The following CADM1 variants were observed in gnomAD, a reference collection of about 807,000 sequenced individuals.
CADM1 encodes TSLC-1.
In CADM1, 15 loss-of-function variants were observed where a neutral mutation model predicts 53.1. The observed-to-expected ratio is 0.28, with a 90% CI of 0.19 to 0.44. CADM1 has a LOEUF of 0.44. Among genes scored for constraint, CADM1 ranks in the 20% least tolerant of loss-of-function variants. The pLI is 1.00. For missense variants in CADM1, 434 were observed against 611.3 expected (o/e 0.71, Z 3.06); for synonymous variants, 281 against 243.0 (o/e 1.16, Z -1.45).
At chr11:115,324,715 G>A (rs187073449) in intron 1 of CADM1, among the ~76,000 whole-genome samples, 21 of 152,308 alleles carry the variant, frequency 1.4e-4, no homozygotes, top group Admixed American at 1.1e-3. Context: ...ACCAATGGAA[G>A]AAACCAGGTG....
At chr11:115,240,010 T>G (rs775624491) in intron 2 of CADM1, among the ~76,000 whole-genome samples, 5 of 152,184 alleles carry the variant, frequency 3.3e-5, no homozygotes, top group Non-Finnish European at 7.3e-5. Context: ...CAGCTAAGTA[T>G]TTGGGACTCG....
intron 7 of CADM1, among the ~76,000 whole-genome samples, chr11:115,213,064 C>G (rs1941029376): frequency 6.6e-6 from 1 of 152,214 alleles, no homozygotes; most frequent in Non-Finnish European, 1.5e-5. Flanking sequence ...ATGCACATAA[C>G]AGACTAATGG....
intron 10 of CADM1, among the ~76,000 whole-genome samples, chr11:115,183,756 A>G (rs1939419169): frequency 6.6e-6 from 1 of 152,120 alleles, no homozygotes. Flanking sequence ...CATGGCGCTT[A>G]AACGCACACT....
chr11:115,339,607 T>G (rs1945369273), intron 1 of CADM1, among the ~76,000 whole-genome samples: 1 of 152,176 alleles, frequency 6.6e-6, no homozygotes, highest in African/African-American at 2.4e-5. Flanking sequence ...CTAATTTTAC[T>G]TATGCAGAGT....
intron 1 of CADM1, among the ~76,000 whole-genome samples, chr11:115,289,505 T>C (rs764554286): frequency 6.6e-6 from 1 of 152,158 alleles, no homozygotes; most frequent in Non-Finnish European, 1.5e-5. Flanking sequence ...GTTCTGTATC[T>C]GCACTGTCCA....
intron 1 of CADM1, among the ~76,000 whole-genome samples, chr11:115,318,043 T>C (rs1375411032): frequency 6.6e-6 from 1 of 151,696 alleles, no homozygotes; most frequent in Admixed American, 6.6e-5. Flanking sequence ...CCTTCCCTAC[T>C]TATTTTTTTT....
rs142308652 is a variant in CADM1 at position 115,498,502 on chromosome 11, T to C, written c.124+5769A>G. On this transcript the variant is annotated intron_variant, in intron 1 of 11. Transcript: ENST00000331581. ...ATGGCCAGTCTCGCCAACGGTGCTT[T>C]CCAGCGCACGCCACAGTTGAGGGAC... Among the ~76,000 whole-genome samples the C allele has an allele frequency of 4.9e-3, 751 of 152,324 alleles. 12 individuals are homozygous for C. The highest frequency in any genetic ancestry group is 0.011 in the South Asian group (55 of 4,826).
chr11:115,257,799 T>C (rs968730812), intron 1 of CADM1, among the ~76,000 whole-genome samples: 1 of 152,212 alleles, frequency 6.6e-6, no homozygotes, highest in African/African-American at 2.4e-5. Flanking sequence ...TTGTTGGTTG[T>C]TTTGCATACA....
intron 1 of CADM1, among the ~76,000 whole-genome samples, chr11:115,348,638 A>G (rs1591733337): frequency 6.6e-6 from 1 of 152,158 alleles, no homozygotes; most frequent in East Asian, 1.9e-4. Context: ...TATCAAACGC[A>G]GCTCTTGTCT....
intron 1 of CADM1, among the ~76,000 whole-genome samples, chr11:115,309,179 G>T (rs1344332110): frequency 6.6e-6 from 1 of 152,026 alleles, no homozygotes; most frequent in Non-Finnish European, 1.5e-5. Flanking sequence ...TAAATGAAAA[G>T]TTCTGTTTAT....
At chr11:115,415,599 G>T (rs1414193107) in intron 1 of CADM1, among the ~76,000 whole-genome samples, 2 of 151,954 alleles carry the variant, frequency 1.3e-5, no homozygotes, top group African/African-American at 4.8e-5. Flanking sequence ...CACTTTGGGA[G>T]GCCAAGGCAC....
intron 1 of CADM1, among the ~76,000 whole-genome samples, chr11:115,310,096 G>GA (rs1481948048): frequency 6.6e-6 from 1 of 151,912 alleles, no homozygotes; most frequent in Non-Finnish European, 1.5e-5. Flanking sequence ...CCTTCGATGG[G>GA]AAAAAAATAA....
intron 1 of CADM1, among the ~76,000 whole-genome samples, chr11:115,425,942 C>T (rs966704667): frequency 3.1e-4 from 47 of 152,256 alleles, no homozygotes; most frequent in East Asian, 1.9e-4. Flanking sequence ...TTTAACTAGG[C>T]GCATCTAGGC....
At chr11:115,439,923 C>G (rs781607637) in intron 1 of CADM1, among the ~76,000 whole-genome samples, 2 of 152,064 alleles carry the variant, frequency 1.3e-5, no homozygotes, top group Non-Finnish European at 2.9e-5. Flanking sequence ...TAATAAATTT[C>G]TTTTTAAAAT....
In CADM1 at chr11:115,448,138, T is replaced by C. The variant is rs571195269; in HGVS notation, c.124+56133A>G. 4.6e-5 allele frequency among the ~76,000 whole-genome samples: 7 copies of C among 152,260 alleles called. No homozygotes were observed. In the South Asian group the frequency reaches 1.5e-3, roughly 32 times the overall value. On this transcript the variant is annotated intron_variant, in intron 1 of 11. Coordinates refer to ENST00000331581, the MANE Select transcript of CADM1 (RefSeq NM_001301043.2). ...CCAGTGCCTGGCATACAGTATTCCA[T>C]AAACAGCACATATCATAAGAATAAC...
At chr11:115,455,977 A>G (rs1328099474) in intron 1 of CADM1, among the ~76,000 whole-genome samples, 2 of 152,190 alleles carry the variant, frequency 1.3e-5, no homozygotes, top group East Asian at 1.9e-4. Context: ...CAACTGGCAT[A>G]GTGGCACAGT....
At chr11:115,360,237 C>T (rs971581126) in intron 1 of CADM1, among the ~76,000 whole-genome samples, 6 of 152,196 alleles carry the variant, frequency 3.9e-5, no homozygotes, top group African/African-American at 1.4e-4. Flanking sequence ...TACAACTGAG[C>T]CATCTAAAAA....
At chr11:115,430,672 G>A (rs1341650283) in intron 1 of CADM1, among the ~76,000 whole-genome samples, 1 of 152,176 alleles carries the variant, frequency 6.6e-6, no homozygotes, top group African/African-American at 2.4e-5. Flanking sequence ...AATATTTCAT[G>A]TTTTGCCTTT....
At position 115,173,826 on chromosome 11, in the gene CADM1, C is replaced by T. The variant is rs186469240; in HGVS notation, c.*2648G>A. The stretch of plus-strand genomic sequence containing the variant: ...AACTGGCCTAAAGGGAAAAATAAGA[C>T]GTCGGTGTGACTAAAGAACAAGCTT... On this transcript the variant is annotated 3_prime_UTR_variant, in exon 12 of 12. Coordinates refer to ENST00000331581, the MANE Select transcript of CADM1 (RefSeq NM_001301043.2). 3.3e-5 allele frequency: 32 copies of T among 983,396 alleles called. No individual in the cohort carries two copies. The East Asian group carries it at 4.6e-4, about 14-fold the overall frequency. The allele number at this position is 983,396 out of a possible 1,614,324, so 60.9% of individuals were successfully genotyped here.
Sources: gnomAD v4.1 joint callset for allele counts (sites outside exome capture counted in the v4.1 genomes callset) on GRCh38, gnomAD v4.1.1 for gene constraint, MANE v1.5 for transcripts, NCBI Gene and HGNC (gene_info 2026-07-23, HGNC 2026-07-21) for gene names.